The following RRBP1 variants were observed in gnomAD, a reference collection of about 807,000 sequenced individuals.
The protein encoded by RRBP1 is ribosome-binding protein 1.
A neutral mutation model predicts 165.2 loss-of-function variants in RRBP1; 94 were observed. That is an observed-to-expected ratio of 0.57 (90% CI 0.48 to 0.68). RRBP1 has a LOEUF of 0.68. RRBP1 is among the 30% of genes least tolerant of loss of function. The pLI is 0.00. For synonymous variants in RRBP1, 680 were observed against 714.5 expected (o/e 0.95, Z 0.77); for missense variants, 1,676 against 1,763.0 (o/e 0.95, Z 0.88).
intron 1 of RRBP1, among the ~76,000 whole-genome samples, chr20:17,681,092 C>A (rs1165728489): frequency 6.6e-6 from 1 of 151,676 alleles, no homozygotes; most frequent in South Asian, 2.1e-4. Flanking sequence ...GCGGGAGAGC[C>A]GGCCGGGCCG....
intron 3 of RRBP1, among the ~76,000 whole-genome samples, chr20:17,655,234 A>G (rs2036626036): frequency 6.6e-6 from 1 of 152,106 alleles, no homozygotes; most frequent in South Asian, 2.1e-4. Flanking sequence ...AGGTCTCACT[A>G]TGTTGCCCAG....
intron 13 of RRBP1, among the ~76,000 whole-genome samples, chr20:17,623,931 CAA>C (rs1284202465): frequency 1.5e-5 from 2 of 135,462 alleles, no homozygotes; most frequent in Non-Finnish European, 1.6e-5. Flanking sequence ...GACACCGTCT[CAA>C]AAAAAAAAAA....
chr20:17,632,291 G>T (rs966276326), intron 8 of RRBP1, among the ~76,000 whole-genome samples: 3 of 152,274 alleles, frequency 2.0e-5, no homozygotes, highest in Admixed American at 1.3e-4. Context: ...TGGGAGCCTG[G>T]GGGCCCTGGC....
intron 3 of RRBP1, among the ~76,000 whole-genome samples, chr20:17,655,453 A>T (rs919977853): frequency 1.3e-5 from 2 of 152,246 alleles, no homozygotes; most frequent in African/African-American, 2.4e-5. Context: ...TTCTTGAGGC[A>T]TCTAAAGAAT....
chr20:17,633,680 C>T, intron 7 of RRBP1, 67 bp from the exon 8 acceptor site: 1 of 1,513,064 alleles, frequency 6.6e-7, no homozygotes, highest in Admixed American at 1.9e-5. Flanking sequence ...TCCAAGCCCT[C>T]CCTCCAGGAC....
chr20:17,627,755 C>T (rs2036058214), intron 9 of RRBP1, 73 bp from the exon 10 acceptor site: 1 of 1,435,508 alleles, frequency 7.0e-7, no homozygotes, highest in Non-Finnish European at 9.4e-7. Flanking sequence ...GCCCTCACTG[C>T]TGCCCTCTTA....
At chr20:17,669,925 T>C (rs773907249) in intron 2 of RRBP1, among the ~76,000 whole-genome samples, 3 of 152,214 alleles carry the variant, frequency 2.0e-5, no homozygotes, top group Non-Finnish European at 4.4e-5. Context: ...GTCTGCTTAA[T>C]TCTTCTTGAA....
intron 3 of RRBP1, among the ~76,000 whole-genome samples, chr20:17,652,392 G>C (rs2036574082): frequency 6.6e-6 from 1 of 152,068 alleles, no homozygotes; most frequent in South Asian, 2.1e-4. Flanking sequence ...CTCCCATATG[G>C]GACAGCACAG....
chr20:17,664,761 G>A (rs1370179788), intron 2 of RRBP1, among the ~76,000 whole-genome samples: 1 of 152,208 alleles, frequency 6.6e-6, no homozygotes, highest in Non-Finnish European at 1.5e-5. Flanking sequence ...TTACTAAGCA[G>A]CAGCTCCACG....
chr20:17,645,912 C>T (rs2036454671), intron 3 of RRBP1, among the ~76,000 whole-genome samples: 1 of 152,212 alleles, frequency 6.6e-6, no homozygotes. Context: ...CTTTGCCCAT[C>T]TTGGTGGGTA....
intron 20 of RRBP1, among the ~76,000 whole-genome samples, chr20:17,617,110 CCT>C (rs1387978057): frequency 6.6e-6 from 1 of 152,218 alleles, no homozygotes; most frequent in Non-Finnish European, 1.5e-5. Context: ...TGAGGTGACC[CCT>C]GATGGGCATG....
intron 2 of RRBP1, among the ~76,000 whole-genome samples, chr20:17,677,082 A>AT (rs1438964809): frequency 1.8e-4 from 27 of 152,220 alleles, no homozygotes; most frequent in African/African-American, 5.8e-4. Flanking sequence ...AAAAAAAAAA[A>AT]AATTCCACTT....
chr20:17,641,478 CT>C (rs2036357366), intron 5 of RRBP1: 1 of 382,424 alleles, frequency 2.6e-6, no homozygotes, highest in Admixed American at 4.1e-5. Flanking sequence ...CAGGACCTGT[CT>C]AGTGAAAGCC....
Position 17,627,331 on chromosome 20 carries a change from C to CT in RRBP1, c.2963+16dup. ...GCTGAGGCTCAAGTGAGCAGGCAGG[C>CT]TGCTTCCCCAGCTTACCGAGTCTGC... On this transcript the variant is annotated intron_variant, in intron 11 of 24. Coordinates refer to ENST00000377813, the MANE Select transcript of RRBP1 (RefSeq NM_001365613.2). 1 of 1,612,404 alleles carries CT rather than the reference C, an allele frequency of 6.2e-7. No homozygotes were observed. The highest frequency in any genetic ancestry group is 8.5e-7 in the Non-Finnish European group (1 of 1,179,724).
intron 13 of RRBP1, among the ~76,000 whole-genome samples, chr20:17,623,889 G>A (rs558667760): frequency 7.9e-5 from 12 of 151,430 alleles, no homozygotes; most frequent in South Asian, 4.2e-4. Flanking sequence ...CTGAGATCAC[G>A]CCACTGCACT....
chr20:17,650,031 T>C (rs1221816636), intron 3 of RRBP1, among the ~76,000 whole-genome samples: 1 of 152,086 alleles, frequency 6.6e-6, no homozygotes, highest in Non-Finnish European at 1.5e-5. Context: ...GAGCAACGTG[T>C]TCCTTGCTGC....
intron 3 of RRBP1, among the ~76,000 whole-genome samples, chr20:17,651,542 G>A (rs554045681): frequency 1.3e-5 from 2 of 152,330 alleles, no homozygotes; most frequent in South Asian, 4.1e-4. Flanking sequence ...CAGTTTCGCA[G>A]GTGCAATACG....
chr20:17,637,500 G>A lies in RRBP1; in HGVS notation c.2185-771C>T, dbSNP rs567589834. Among the ~76,000 whole-genome samples, 89 of 152,284 alleles carry A rather than the reference G, an allele frequency of 5.8e-4. 2 individuals are homozygous for A. The South Asian group carries it at 0.017, about 30-fold the overall frequency. On this transcript the variant is annotated intron_variant, in intron 5 of 24. Transcript: ENST00000377813. The stretch of plus-strand genomic sequence containing the variant: ...CAGGCCTGGACAGACCAGCACTGAT[G>A]TGATGTGAATACATATCATAAACAC...
At chr20:17,630,226 A>G (rs2036122228) in intron 8 of RRBP1, among the ~76,000 whole-genome samples, 1 of 152,188 alleles carries the variant, frequency 6.6e-6, no homozygotes, top group African/African-American at 2.4e-5. Context: ...TACATTCTCA[A>G]GTGATTCATG....
Sources: allele counts gnomAD v4.1 joint callset (sites outside exome capture counted in the v4.1 genomes callset), GRCh38; gene constraint gnomAD v4.1.1; transcripts MANE v1.5; gene names NCBI Gene and HGNC (gene_info 2026-07-23, HGNC 2026-07-21).